Variants in INPP4B observed in about 807,000 individuals in gnomAD.
INPP4B encodes the protein inositol polyphosphate-4-phosphatase type II B.
In INPP4B, 55 loss-of-function variants were observed where a neutral mutation model predicts 122.5. That is an observed-to-expected ratio of 0.45 (90% CI 0.36 to 0.56). The LOEUF (loss-of-function observed/expected upper bound fraction) is 0.56. INPP4B is among the 20% of genes least tolerant of loss of function. The pLI, the probability that INPP4B is intolerant of heterozygous loss-of-function variation, is 0.00. For synonymous variants in INPP4B, 403 were observed against 388.7 expected (o/e 1.04, Z -0.43); for missense variants, 1,000 against 1,097.7 (o/e 0.91, Z 1.26).
intron 10 of INPP4B, among the ~76,000 whole-genome samples, chr4:142,265,225 T>C (rs1742192852): frequency 6.6e-6 from 1 of 152,188 alleles, no homozygotes; most frequent in Admixed American, 6.5e-5. Context: ...CTGAGCAATA[T>C]CAGTATCACT....
chr4:142,770,435 C>G (rs1010055814), intron 1 of INPP4B, among the ~76,000 whole-genome samples: 2 of 152,074 alleles, frequency 1.3e-5, no homozygotes, highest in African/African-American at 4.8e-5. Flanking sequence ...CTGACAGATC[C>G]TTTTTTTCAG....
chr4:142,549,198 CT>C (rs1727384773), intron 2 of INPP4B, among the ~76,000 whole-genome samples: 1 of 152,110 alleles, frequency 6.6e-6, no homozygotes, highest in African/African-American at 2.4e-5. Flanking sequence ...TGTTCTTCTG[CT>C]GCCTTTTGAA....
chr4:142,648,994 C>T (rs1752383731), intron 2 of INPP4B, among the ~76,000 whole-genome samples: 1 of 152,178 alleles, frequency 6.6e-6, no homozygotes, highest in Admixed American at 6.5e-5. Flanking sequence ...GACAAAGCTT[C>T]TAGAGGGAGG....
rs80163068 is a variant in INPP4B, at chr4:142,196,119, T to A, written c.1073-2924A>T. Among the ~76,000 whole-genome samples, 18 of 152,350 alleles carry A rather than the reference T, an allele frequency of 1.2e-4. No homozygotes were observed. In the East Asian group the frequency reaches 3.5e-3, roughly 29 times the overall value. ...CTCATAAAAAAGAACTGATTGTTTA[T>A]TGTTAAATCTAAATGAAGGAGTTTG... is the stretch of plus-strand genomic sequence containing the variant. On this transcript the variant is annotated intron_variant, in intron 14 of 25. Transcript: ENST00000262992.
intron 21 of INPP4B, 42 bp downstream of exon 21, chr4:142,122,086 T>G (rs776310287): frequency 8.0e-7 from 1 of 1,249,718 alleles, no homozygotes; most frequent in Admixed American, 1.9e-5. Context: ...TAACACGACA[T>G]GTCTAACAAA....
chr4:142,068,572 T>G (rs1425911676), intron 25 of INPP4B, among the ~76,000 whole-genome samples: 2 of 152,066 alleles, frequency 1.3e-5, no homozygotes, highest in African/African-American at 2.4e-5. Context: ...TCAGTGTGCT[T>G]TATTGAGGAG....
intron 7 of INPP4B, among the ~76,000 whole-genome samples, chr4:142,331,149 G>C (rs1774323239): frequency 6.6e-6 from 1 of 152,170 alleles, no homozygotes; most frequent in Non-Finnish European, 1.5e-5. Context: ...AAGAAGAGTG[G>C]TGTGCAGATA....
intron 3 of INPP4B, among the ~76,000 whole-genome samples, chr4:142,434,909 A>G (rs1288258118): frequency 6.6e-6 from 1 of 152,146 alleles, no homozygotes; most frequent in Admixed American, 6.5e-5. Flanking sequence ...AAAATCACCA[A>G]AAAAAGGCAT....
intron 2 of INPP4B, among the ~76,000 whole-genome samples, chr4:142,603,830 A>T (rs1269914929): frequency 6.6e-6 from 1 of 152,032 alleles, no homozygotes; most frequent in Non-Finnish European, 1.5e-5. Flanking sequence ...ATTCCAAAAA[A>T]ATTGAAAGAG....
rs371494273 is a variant in INPP4B, at chr4:142,403,070, C to G, written c.256-16G>C. On this transcript the variant is annotated splice_polypyrimidine_tract_variant and intron_variant, in intron 6 of 25. Transcript: ENST00000262992. ...CCCTTGTTCCCTGTAACAGCACAAG[C>G]AGACAACTTTGATTCAATAAGGCAG... 7.4e-5 allele frequency: 105 copies of G among 1,417,374 alleles called. No individual in the cohort carries two copies. The highest frequency in any genetic ancestry group is 3.5e-4 in the Middle Eastern group (2 of 5,642). The allele number at this position is 1,417,374 out of a possible 1,614,324, so 87.8% of individuals were successfully genotyped here. A position where few individuals can be genotyped will look rare whatever the true frequency, so the allele number is the denominator to read the frequency against.
At chr4:142,627,025 T>C (rs940241812) in intron 2 of INPP4B, among the ~76,000 whole-genome samples, 54 of 152,024 alleles carry the variant, frequency 3.6e-4, no homozygotes, top group African/African-American at 1.2e-3. Flanking sequence ...ATTCTATCAC[T>C]GAAGTTTTTG....
intron 25 of INPP4B, among the ~76,000 whole-genome samples, chr4:142,079,981 CCAA>C (rs1277194352): frequency 6.6e-6 from 1 of 151,856 alleles, no homozygotes; most frequent in East Asian, 1.9e-4. Flanking sequence ...ATTTTTTTAA[CCAA>C]CATTATTTAG....
intron 2 of INPP4B, among the ~76,000 whole-genome samples, chr4:142,464,750 C>CA (rs1451420627): frequency 6.6e-6 from 1 of 152,114 alleles, no homozygotes; most frequent in Admixed American, 6.6e-5. Flanking sequence ...TGTGCTATAT[C>CA]AAACTTTCAC....
chr4:142,759,351 C>T (rs72728636), intron 1 of INPP4B, among the ~76,000 whole-genome samples: 1,975 of 152,212 alleles, frequency 0.013, 24 homozygotes, highest in Non-Finnish European at 0.021. Flanking sequence ...GGCAACAAGG[C>T]TTACATTAAA....
intron 25 of INPP4B, among the ~76,000 whole-genome samples, chr4:142,035,123 G>T (rs1200238189): frequency 6.6e-6 from 1 of 152,146 alleles, no homozygotes; most frequent in Non-Finnish European, 1.5e-5. Context: ...ATTTGTCTGA[G>T]GCTCACATCA....
chr4:142,451,005 A>G (rs1278018979), intron 3 of INPP4B, among the ~76,000 whole-genome samples: 2 of 151,370 alleles, frequency 1.3e-5, no homozygotes, highest in African/African-American at 2.4e-5. Context: ...TAACCTATCA[A>G]TGTAGCATTT....
At chr4:142,840,095 T>C (rs2151207855) in intron 1 of INPP4B, among the ~76,000 whole-genome samples, 1 of 152,268 alleles carries the variant, frequency 6.6e-6, no homozygotes, top group East Asian at 1.9e-4. Flanking sequence ...CAAGAAGAAA[T>C]TGTAAAACAA....
chr4:142,229,517 T>C (rs1428234540), intron 12 of INPP4B, among the ~76,000 whole-genome samples: 1 of 152,058 alleles, frequency 6.6e-6, no homozygotes, highest in African/African-American at 2.4e-5. Context: ...CGGTGAATGG[T>C]GTATAAGAAA....
chr4:142,555,036 A>T (rs72726448), intron 2 of INPP4B, among the ~76,000 whole-genome samples: 1 of 152,122 alleles, frequency 6.6e-6, no homozygotes, highest in South Asian at 2.1e-4. Context: ...GATTTAAAAG[A>T]CTGGCCCCCA....
Sources: allele counts gnomAD v4.1 joint callset (sites outside exome capture counted in the v4.1 genomes callset), GRCh38; gene constraint gnomAD v4.1.1; transcripts MANE v1.5; gene names NCBI Gene and HGNC (gene_info 2026-07-23, HGNC 2026-07-21).